Variants in ZNF592 observed in about 807,000 individuals in gnomAD.
ZNF592 encodes spinocerebellar ataxia, autosomal recessive 5.
Under a neutral mutation model 80.3 loss-of-function variants are expected in ZNF592, and 11 were observed. The observed-to-expected ratio is 0.14, with a 90% confidence interval of 0.09 to 0.23. The LOEUF (loss-of-function observed/expected upper bound fraction) is 0.23, where lower values mean the gene tolerates loss of function less well. ZNF592 is among the 10% of genes least tolerant of loss of function. The pLI is 1.00. For synonymous variants in ZNF592, 646 were observed against 640.3 expected, an observed-to-expected ratio of 1.01 and a Z score of -0.13; for missense variants, 1,420 against 1,633.9, an observed-to-expected ratio of 0.87 and a Z score of 2.26.
At position 84,798,835 on chromosome 15, in the gene ZNF592, G is replaced by A. The variant is rs1274604954; in HGVS notation, c.2984G>A (p.Arg995Gln). Reference protein sequence around the residue: ...CQECQEWVPDRESYVSHMKKS... With the variant: ...CQECQEWVPDQESYVSHMKKS... ...GAGTGCCAGGAGTGGGTTCCAGATC[G>A]GGAGAGCTACGTGTCCCACATGAAA... The change falls in exon 8 of 11, where the codon CGG (arginine) becomes CAG (glutamine). Residue 995 changes from arginine (R) to glutamine (Q), a missense_variant. Around this residue, in one of 7 missense-constraint regions of ZNF592, gnomAD observed 331 missense variants for 347.0 expected, o/e 0.95. Transcript: ENST00000560079. This position sits in a 1 kb window ranked among gnomAD's most constrained non-coding sequence, Gnocchi z 4.5. 3.8e-6 allele frequency: 6 copies of A among 1,599,592 alleles called. No homozygotes were observed. The highest frequency in any genetic ancestry group is 3.3e-5 in the South Asian group (3 of 90,982).
intron 3 of ZNF592, among the ~76,000 whole-genome samples, chr15:84,780,770 TTTG>T (rs60093318): frequency 0.84 from 126,541 of 150,824 alleles, 53,516 homozygotes; most frequent in African/African-American, 0.95. Context: ...CTGAGTGGGT[TTTG>T]TTGTTGTTGT....
rs1487240533 is a variant in ZNF592 at position 84,803,175 on chromosome 15, G to A, written c.*782G>A. 6.6e-6 allele frequency: 1 copy of A among 152,528 alleles called. No homozygotes were observed. Among genetic ancestry groups the A allele is most frequent in the Non-Finnish European group, 1.5e-5 (1 of 68,030 alleles). 9.4% of individuals were successfully genotyped at this position (152,528 alleles called of 1,614,324 possible). On this transcript the variant is annotated 3_prime_UTR_variant, in exon 11 of 11. Transcript: ENST00000560079. ...GGTGGGGTTGGGGCACACAGACATT[G>A]GAATATTTGTACTGCTCTCGTGCCA...
At position 84,774,759 on chromosome 15, in the gene ZNF592, A is replaced by G. The variant is rs116196679; in HGVS notation, c.-149-3424A>G. ...TCTACTAGTTCTGCCATAATTATATATAATCATACTGGTTTTTGTTTGTTT... is the reference window on the plus strand; with the variant it reads ...TCTACTAGTTCTGCCATAATTATATGTAATCATACTGGTTTTTGTTTGTTT... On this transcript the variant is annotated intron_variant, in intron 2 of 10. Transcript: ENST00000560079. Among the ~76,000 whole-genome samples, 865 of 152,070 alleles carry G rather than the reference A, an allele frequency of 5.7e-3. 8 individuals carry two copies. The highest frequency in any genetic ancestry group is 0.02 in the African/African-American group (818 of 41,436).
intron 5 of ZNF592, among the ~76,000 whole-genome samples, chr15:84,792,003 T>G (rs943349468): frequency 2.0e-5 from 3 of 152,046 alleles, no homozygotes; most frequent in Non-Finnish European, 4.4e-5. Context: ...ACAGAAATAT[T>G]TGCAGCAGGG....
intron 5 of ZNF592, among the ~76,000 whole-genome samples, chr15:84,792,733 G>A (rs903660321): frequency 1.3e-5 from 2 of 152,284 alleles, no homozygotes; most frequent in African/African-American, 2.4e-5. Flanking sequence ...GATTACAGGC[G>A]TGAGCCACCG....
Position 84,790,838 on chromosome 15 carries a change from A to G in ZNF592, c.2354A>G (p.His785Arg). The G allele has an allele frequency of 6.2e-7, 1 of 1,614,180 alleles. No individual in the cohort carries two copies. The highest frequency in any genetic ancestry group is 8.5e-7 in the Non-Finnish European group (1 of 1,180,044). ...VLCRSAYFQT[H>R]VKENCLHYAR... ...TGCCGCTCTGCCTACTTCCAGACCC[A>G]TGTAAAGGAGAATTGCCTGCACTAT... is the stretch of plus-strand genomic sequence containing the variant. Residue 785 changes from histidine to arginine, a missense_variant, in exon 5 of 11, where the codon CAT (histidine) becomes CGT (arginine). Coordinates refer to ENST00000560079, the MANE Select transcript of ZNF592 (RefSeq NM_014630.3).
chr15:84,785,192 G>A (rs1292130466), intron 4 of ZNF592, among the ~76,000 whole-genome samples: 1 of 152,208 alleles, frequency 6.6e-6, no homozygotes, highest in Non-Finnish European at 1.5e-5. Context: ...GTCTTTACTG[G>A]ATGATCTCCC....
chr15:84,789,580 A>G (rs1209617218), intron 4 of ZNF592, among the ~76,000 whole-genome samples: 1 of 152,172 alleles, frequency 6.6e-6, no homozygotes, highest in Non-Finnish European at 1.5e-5. Flanking sequence ...GTTTCTCCAT[A>G]TCCTCACCAG....
chr15:84,770,400 T>C (rs1398603311), intron 2 of ZNF592, among the ~76,000 whole-genome samples: 1 of 151,840 alleles, frequency 6.6e-6, no homozygotes, highest in Non-Finnish European at 1.5e-5. Flanking sequence ...AGGTAGAAAA[T>C]TATGATGTGA....
intron 1 of ZNF592, among the ~76,000 whole-genome samples, chr15:84,751,871 C>T (rs1567056385): frequency 2.6e-5 from 4 of 152,138 alleles, no homozygotes; most frequent in Non-Finnish European, 2.9e-5. Flanking sequence ...AGCCACTGCA[C>T]TCTAGCCTGG....
At chr15:84,785,949 G>T (rs923761598) in intron 4 of ZNF592, among the ~76,000 whole-genome samples, 1 of 151,952 alleles carries the variant, frequency 6.6e-6, no homozygotes, top group African/African-American at 2.4e-5. Flanking sequence ...TTTCTCTGAA[G>T]AAAGAGGCCT....
chr15:84,802,701 C>G lies in ZNF592; in HGVS notation c.*308C>G, dbSNP rs1812395568. The G allele has an allele frequency of 2.3e-6, 1 of 443,982 alleles. No individual in the cohort carries two copies. Among genetic ancestry groups the G allele is most frequent in the Admixed American group, 3.5e-5 (1 of 28,504 alleles). The allele number at this position is 443,982 out of a possible 1,614,324, so 27.5% of individuals were successfully genotyped here. A position where few individuals can be genotyped will look rare whatever the true frequency, so the allele number is the denominator to read the frequency against. On this transcript the variant is annotated 3_prime_UTR_variant, in exon 11 of 11. Transcript: ENST00000560079. Reference sequence around the variant, plus strand: ...TTATGTGGCCCAACCCCACTGCTGTCAACTAGGCTTGAACCCCACAGCGGC... The same window carrying G: ...TTATGTGGCCCAACCCCACTGCTGTGAACTAGGCTTGAACCCCACAGCGGC...
At chr15:84,792,743 G>A (rs1168728367) in intron 5 of ZNF592, among the ~76,000 whole-genome samples, 7 of 152,144 alleles carry the variant, frequency 4.6e-5, no homozygotes, top group African/African-American at 7.2e-5. Flanking sequence ...GTGAGCCACC[G>A]TGCCTGGCAT....
chr15:84,757,594 TC>T (rs1899214368), intron 1 of ZNF592, among the ~76,000 whole-genome samples: 1 of 152,130 alleles, frequency 6.6e-6, no homozygotes, highest in South Asian at 2.1e-4. Context: ...CTTGAAGCGA[TC>T]CTTCCACCTC....
At chr15:84,756,804 C>T (rs1284298289) in intron 1 of ZNF592, among the ~76,000 whole-genome samples, 2 of 152,080 alleles carry the variant, frequency 1.3e-5, no homozygotes, top group Non-Finnish European at 2.9e-5. Flanking sequence ...TAGGCTCAAA[C>T]GATCCTCCCT....
chr15:84,770,342 T>C lies in ZNF592; in HGVS notation c.-150+5527T>C, dbSNP rs529297450. Among the ~76,000 whole-genome samples the C allele has an allele frequency of 5.3e-5, 8 of 152,198 alleles. No individual in the cohort carries two copies. The South Asian group carries it at 1.0e-3, about 20-fold the overall frequency. Reference sequence around the variant, plus strand: ...AATGTCTACTGAGGGGCTTATAAAATAGCAGGAAAGAGAACACTTTACTGA... The same window carrying C: ...AATGTCTACTGAGGGGCTTATAAAACAGCAGGAAAGAGAACACTTTACTGA... On this transcript the variant is annotated intron_variant, in intron 2 of 10. Coordinates refer to ENST00000560079, the MANE Select transcript of ZNF592 (RefSeq NM_014630.3).
Position 84,784,074 on chromosome 15 carries a change from C to T in ZNF592, c.1399C>T (p.Pro467Ser), listed in dbSNP as rs1470389460. 17 of 1,613,698 alleles carry T rather than the reference C, an allele frequency of 1.1e-5. No individual in the cohort carries two copies. The highest frequency in any genetic ancestry group is 2.2e-5 in the South Asian group (2 of 91,080). The change falls in exon 4 of 11, where the codon CCC becomes TCC. Residue 467 changes from proline to serine, a missense_variant. Coordinates refer to ENST00000560079, the MANE Select transcript of ZNF592 (RefSeq NM_014630.3). This position sits in a 1 kb window ranked among gnomAD's most constrained non-coding sequence, Gnocchi z 5.8. ...DSSSPSCSSGPRVPKGAAPGS... is the reference protein window; with the variant it reads ...DSSSPSCSSGSRVPKGAAPGS... ...GTCATCTCCCAGCTGCAGTTCTGGGCCCCGGGTCCCAAAGGGGGCTGCCCC... is the reference window on the plus strand; with the variant it reads ...GTCATCTCCCAGCTGCAGTTCTGGGTCCCGGGTCCCAAAGGGGGCTGCCCC...
intron 1 of ZNF592, among the ~76,000 whole-genome samples, chr15:84,762,269 T>C (rs747639567): frequency 2.6e-5 from 4 of 152,096 alleles, no homozygotes; most frequent in African/African-American, 7.2e-5. Context: ...TGGTGAAAAG[T>C]GTTATGGAGA....
intron 4 of ZNF592, among the ~76,000 whole-genome samples, 155 bp downstream of exon 4, chr15:84,785,050 T>C (rs1001177106): frequency 6.6e-6 from 1 of 152,132 alleles, no homozygotes; most frequent in African/African-American, 2.4e-5. Context: ...TGTTTGGTGT[T>C]TGTTGGAAAA....
Sources: gnomAD v4.1 joint callset for allele counts (sites outside exome capture counted in the v4.1 genomes callset) on GRCh38, gnomAD v4.1.1 for gene constraint, gnomAD v4.1.1 regional missense constraint, Gnocchi (gnomAD v3.1) non-coding constraint, MANE v1.5 for transcripts, NCBI Gene and HGNC (gene_info 2026-07-23, HGNC 2026-07-21) for gene names.